ZNF790: variants seen among roughly 807,000 people sequenced by gnomAD.
ZNF790 encodes zinc finger protein 790.
ZNF790 carries 8 observed loss-of-function variants against 12.1 expected under a neutral mutation model. The ratio of observed to expected loss-of-function variants is 0.66; its 90% CI spans 0.39 to 1.19. The LOEUF (loss-of-function observed/expected upper bound fraction) is 1.19, where lower values mean the gene tolerates loss of function less well. Among genes scored for constraint, ZNF790 ranks in the 50% most tolerant of loss-of-function variants. The pLI, the probability that ZNF790 is intolerant of heterozygous loss-of-function variation, is 0.01. For synonymous variants in ZNF790, 252 were observed against 244.3 expected, an observed-to-expected ratio of 1.03 and a Z score of -0.29; for missense variants, 707 against 752.2, an observed-to-expected ratio of 0.94 and a Z score of 0.70.
chr19:36,845,064 A>AG (rs1424428765), intron 1 of ZNF790, among the ~76,000 whole-genome samples: 2 of 149,792 alleles, frequency 1.3e-5, no homozygotes, highest in African/African-American at 2.4e-5. Flanking sequence ...AAAAAAAAAA[A>AG]AAAAAAAAAA....
At chr19:36,825,577 G>T in intron 2 of ZNF790, 34 bp downstream of exon 2, 2 of 1,604,682 alleles carry the variant, frequency 1.2e-6, no homozygotes, top group African/African-American at 1.3e-5. Context: ...ATATAAATGG[G>T]TTATATTTTT....
intron 2 of ZNF790, 135 bp downstream of exon 2, chr19:36,825,476 T>C (rs1316567212): frequency 1.0e-5 from 10 of 954,258 alleles, no homozygotes; most frequent in African/African-American, 1.6e-5. Flanking sequence ...AGGGAAAGCA[T>C]TGGACTGTTT....
intron 1 of ZNF790, among the ~76,000 whole-genome samples, chr19:36,827,141 C>CACACATATATATATATATATATATATAT (rs1313807327): frequency 1.2e-5 from 1 of 84,440 alleles, no homozygotes; most frequent in Non-Finnish European, 2.1e-5. Flanking sequence ...CACACACACA[C>CACACATATATATATATATATATATATAT]ATATATATAT....
intron 1 of ZNF790, among the ~76,000 whole-genome samples, chr19:36,846,394 G>A (rs2072181170): frequency 1.3e-5 from 2 of 152,028 alleles, no homozygotes; most frequent in African/African-American, 4.8e-5. Context: ...GTGAAACCCT[G>A]TCTCTACTAA....
In ZNF790 at chr19:36,847,749, CA is replaced by C. The variant is rs71842818; in HGVS notation, c.-74+2252del. Among the ~76,000 whole-genome samples the C allele has an allele frequency of 9.2e-3, 1,019 of 110,486 alleles. 21 individuals carry two copies. Among genetic ancestry groups the C allele is most frequent in the Admixed American group, 0.054 (595 of 10,954 alleles). The allele number at this position is 110,486 out of a possible 152,430, so 72.5% of individuals were successfully genotyped here. The stretch of plus-strand genomic sequence containing the variant: ...TGGGCGACAAAGAGAGACTCTGTCT[CA>C]AAAAAAAAAAAAAGAAGTGGAGCCC... On this transcript the variant is annotated intron_variant, in intron 1 of 4. Transcript: ENST00000528994.
At chr19:36,850,421 A>G (rs887706719), upstream of ZNF790, 2 of 152,282 alleles carry the variant, frequency 1.3e-5, no homozygotes, top group Admixed American at 6.5e-5. Flanking sequence ...GTTAAAGACT[A>G]TTGCAATAGT....
At position 36,848,937 on chromosome 19, in the gene ZNF790, G is replaced by T. The variant is rs1171667282; in HGVS notation, c.-74+1065C>A. On this transcript the variant is annotated intron_variant, in intron 1 of 4. Transcript: ENST00000528994. The stretch of plus-strand genomic sequence containing the variant: ...GCCTCCAAAGTAGCTGGGATTACAG[G>T]TGCACACCACCACGCCCAGCTAATT... Among the ~76,000 whole-genome samples the T allele has an allele frequency of 2.0e-5, 3 of 152,116 alleles. No individual in the cohort carries two copies. In the East Asian group the frequency reaches 5.8e-4, roughly 29 times the overall value.
chr19:36,830,164 G>A (rs560930747), intron 1 of ZNF790, among the ~76,000 whole-genome samples: 26 of 152,178 alleles, frequency 1.7e-4, no homozygotes, highest in South Asian at 4.1e-4. Flanking sequence ...GTGTGATGTT[G>A]GCTGTGGGTT....
chr19:36,828,509 A>G (rs961173049), intron 1 of ZNF790, among the ~76,000 whole-genome samples: 2 of 152,084 alleles, frequency 1.3e-5, no homozygotes, highest in Admixed American at 6.6e-5. Flanking sequence ...CAGTGTCTCA[A>G]ACTGTCAGTC....
At chr19:36,822,520 TTTTGTTTG>T (rs139757499) in intron 4 of ZNF790, among the ~76,000 whole-genome samples, 11 of 151,510 alleles carry the variant, frequency 7.3e-5, no homozygotes, top group African/African-American at 1.7e-4. Flanking sequence ...TTAAAGTGTT[TTTTGTTTG>T]TTTGTTTGTT....
intron 1 of ZNF790, among the ~76,000 whole-genome samples, chr19:36,837,421 C>T (rs543621283): frequency 1.1e-4 from 16 of 152,254 alleles, no homozygotes; most frequent in Non-Finnish European, 2.1e-4. Flanking sequence ...TGGCCGGCCT[C>T]CTTGTTGTTC....
intron 1 of ZNF790, among the ~76,000 whole-genome samples, chr19:36,845,005 G>C (rs1431848258): frequency 8.8e-6 from 1 of 113,238 alleles, no homozygotes; most frequent in East Asian, 2.8e-4. Context: ...CTGAGATCCC[G>C]CCACTGCACT....
At chr19:36,827,141 CATATATATATATATATATATATAT>C (rs369671729) in intron 1 of ZNF790, among the ~76,000 whole-genome samples, 3 of 84,440 alleles carry the variant, frequency 3.6e-5, no homozygotes, top group African/African-American at 5.5e-5. Context: ...CACACACACA[CATATATATATATATATATATATAT>C]ATATATATAT....
intron 1 of ZNF790, among the ~76,000 whole-genome samples, chr19:36,837,171 C>T (rs75544003): frequency 0.032 from 4,875 of 152,308 alleles, 117 homozygotes; most frequent in Non-Finnish European, 0.049. Context: ...TGTATACCAT[C>T]AAGTCTCATT....
At position 36,820,115 on chromosome 19, in the gene ZNF790, C is replaced by G. The variant is rs377205935; in HGVS notation, c.230-1G>C. 2 of 1,595,762 alleles carry G rather than the reference C, an allele frequency of 1.3e-6. No homozygotes were observed. Among genetic ancestry groups the G allele is most frequent in the African/African-American group, 2.7e-5 (2 of 74,384 alleles). On this transcript the variant is annotated splice_acceptor_variant, in intron 4 of 4. Coordinates refer to ENST00000356725, the MANE Select transcript of ZNF790 (RefSeq NM_206894.4). LOFTEE classifies it high-confidence loss of function. ...TTGGTCTGACACCTCGACTGCATGT[C>G]TGAAAAATAAGAAGGTAAAAACATC... is the stretch of plus-strand genomic sequence containing the variant.
intron 1 of ZNF790, among the ~76,000 whole-genome samples, chr19:36,833,879 G>T (rs973299046): frequency 6.6e-6 from 1 of 152,112 alleles, no homozygotes; most frequent in Non-Finnish European, 1.5e-5. Context: ...ATAAGATACA[G>T]AGTACAAACC....
chr19:36,849,187 A>G (rs780767386), intron 1 of ZNF790, among the ~76,000 whole-genome samples: 2 of 152,056 alleles, frequency 1.3e-5, no homozygotes, highest in Non-Finnish European at 2.9e-5. Context: ...TCAGCCTTCC[A>G]AAGTGCTGAG....
upstream of ZNF790, among the ~76,000 whole-genome samples, chr19:36,841,174 G>A (rs986806519): frequency 6.6e-6 from 1 of 152,190 alleles, no homozygotes; most frequent in African/African-American, 2.4e-5. Context: ...TGCATTTAGA[G>A]GACAGAGGTC....
chr19:36,834,720 T>C (rs1041732442), intron 1 of ZNF790, among the ~76,000 whole-genome samples: 1 of 152,142 alleles, frequency 6.6e-6, no homozygotes, highest in African/African-American at 2.4e-5. Context: ...CCAATAGAAA[T>C]GCATACATGT....
Sources: gnomAD v4.1 joint callset for allele counts (sites outside exome capture counted in the v4.1 genomes callset) on GRCh38, gnomAD v4.1.1 for gene constraint, MANE v1.5 for transcripts, NCBI Gene and HGNC (gene_info 2026-07-23, HGNC 2026-07-21) for gene names.